ETNK1: variants seen among roughly 807,000 people sequenced by gnomAD.
ETNK1 encodes putative protein product of Nbla10396.
Under a neutral mutation model 45.1 loss-of-function variants are expected in ETNK1, and 8 were observed. The ratio of observed to expected loss-of-function variants is 0.18; its 90% CI spans 0.10 to 0.32. ETNK1 has a LOEUF of 0.32. Ranked by LOEUF, ETNK1 falls within the 10% of genes least tolerant of loss-of-function variation. The pLI is 1.00. For missense variants in ETNK1, 302 were observed against 430.6 expected (o/e 0.70, Z 2.64); for synonymous variants, 152 against 151.9 (o/e 1.00, Z -0.01).
chr12:22,643,045 T>A (rs1310894950), intron 1 of ETNK1, among the ~76,000 whole-genome samples: 3 of 152,048 alleles, frequency 2.0e-5, no homozygotes, highest in African/African-American at 7.2e-5. Context: ...TAGAAATCTC[T>A]ACTTACCTCT....
chr12:22,626,192 A>G (rs1953492605), intron 1 of ETNK1: 3 of 201,626 alleles, frequency 1.5e-5, no homozygotes, highest in South Asian at 1.3e-4. Flanking sequence ...TACTGAAATT[A>G]ATACCTGATA....
intron 2 of ETNK1, among the ~76,000 whole-genome samples, chr12:22,647,541 A>G (rs1007342197): frequency 6.6e-6 from 1 of 151,938 alleles, no homozygotes; most frequent in Admixed American, 6.6e-5. Context: ...TTGAAATGTA[A>G]CTTTTTGACT....
chr12:22,644,451 ATATAT>A (rs1204397990), intron 2 of ETNK1: 3 of 966,738 alleles, frequency 3.1e-6, no homozygotes, highest in Non-Finnish European at 4.0e-6. Context: ...ATTTAATTTA[ATATAT>A]TATGTTTTCT....
At chr12:22,675,370 A>G (rs1159630477) in intron 6 of ETNK1, among the ~76,000 whole-genome samples, 1 of 151,658 alleles carries the variant, frequency 6.6e-6, no homozygotes, top group Non-Finnish European at 1.5e-5. Context: ...CTATTTTTTT[A>G]TTAGATACAA....
chr12:22,639,447 C>T (rs528596066), intron 1 of ETNK1, among the ~76,000 whole-genome samples: 11 of 152,192 alleles, frequency 7.2e-5, no homozygotes, highest in African/African-American at 1.7e-4. Flanking sequence ...GAGGCCGAGG[C>T]GGGTGGATCA....
At chr12:22,643,034 A>G (rs1592118087) in intron 1 of ETNK1, among the ~76,000 whole-genome samples, 2 of 152,024 alleles carry the variant, frequency 1.3e-5, no homozygotes, top group Non-Finnish European at 2.9e-5. Flanking sequence ...AAAAAATACC[A>G]TAGAAATCTC....
In ETNK1 at chr12:22,686,356, T is replaced by A. The variant is rs1954260769; in HGVS notation, c.*1402T>A. The A allele has an allele frequency of 6.6e-6, 1 of 152,330 alleles. No individual in the cohort carries two copies. Among genetic ancestry groups the A allele is most frequent in the Non-Finnish European group, 1.5e-5 (1 of 67,820 alleles). 9.4% of individuals were successfully genotyped at this position (152,330 alleles called of 1,614,324 possible). The stretch of plus-strand genomic sequence containing the variant: ...TAGTCTGACAAGCTTTGCACTTCGG[T>A]CACATAAGTGCCCATGTACAAAGTT... On this transcript the variant is annotated 3_prime_UTR_variant, in exon 8 of 8. Transcript: ENST00000266517.
At chr12:22,667,441 A>T (rs1954064821) in intron 4 of ETNK1, among the ~76,000 whole-genome samples, 1 of 152,142 alleles carries the variant, frequency 6.6e-6, no homozygotes, top group South Asian at 2.1e-4. Flanking sequence ...CCCCTCCAGG[A>T]GGCTGTGTAT....
At chr12:22,626,813 G>A (rs1342488431) in intron 1 of ETNK1, among the ~76,000 whole-genome samples, 4 of 152,156 alleles carry the variant, frequency 2.6e-5, no homozygotes, top group African/African-American at 7.2e-5. Context: ...ATAGGAAATA[G>A]TGAATCCAAA....
At chr12:22,679,445 G>A (rs1188353043) in intron 6 of ETNK1, among the ~76,000 whole-genome samples, 1 of 133,026 alleles carries the variant, frequency 7.5e-6, no homozygotes, top group Non-Finnish European at 1.8e-5. Flanking sequence ...GATACCAGCC[G>A]ACATTGAGGG....
intron 1 of ETNK1, among the ~76,000 whole-genome samples, chr12:22,627,356 A>T (rs1953516339): frequency 6.6e-6 from 1 of 152,158 alleles, no homozygotes; most frequent in African/African-American, 2.4e-5. Flanking sequence ...TTGGGTTTAT[A>T]ATCCGAATTT....
At chr12:22,677,170 T>G (rs578221257) in intron 6 of ETNK1, among the ~76,000 whole-genome samples, 118 of 152,290 alleles carry the variant, frequency 7.7e-4, no homozygotes, top group South Asian at 2.5e-3. Flanking sequence ...TTAATCCATC[T>G]TGAGTTAATT....
chr12:22,685,983 A>T lies in ETNK1; in HGVS notation c.*1029A>T, dbSNP rs925895227. 1 of 152,044 alleles carries T rather than the reference A, an allele frequency of 6.6e-6. No individual in the cohort carries two copies. The highest frequency in any genetic ancestry group is 1.5e-5 in the Non-Finnish European group (1 of 67,712). The allele number at this position is 152,044 out of a possible 1,614,324, so 9.4% of individuals were successfully genotyped here. On this transcript the variant is annotated 3_prime_UTR_variant, in exon 8 of 8. Transcript: ENST00000266517. ...CATTTTAGTTTCATGTTTTAGTTTG[A>T]TTCTATGTTTTTAGACTGATAGCAA...
At chr12:22,655,069 C>T (rs1351183277) in intron 2 of ETNK1, among the ~76,000 whole-genome samples, 2 of 152,154 alleles carry the variant, frequency 1.3e-5, no homozygotes, top group African/African-American at 2.4e-5. Context: ...TGGGTTCAAG[C>T]GATTCTCCTG....
intron 2 of ETNK1, among the ~76,000 whole-genome samples, chr12:22,651,977 C>T (rs1162820176): frequency 3.3e-5 from 5 of 152,234 alleles, no homozygotes; most frequent in East Asian, 3.9e-4. Context: ...TGAGCCACCA[C>T]GCCTGGCCAA....
intron 5 of ETNK1, 96 bp from the exon 6 acceptor site, chr12:22,673,404 A>AT (rs1458007237): frequency 1.4e-5 from 13 of 938,954 alleles, no homozygotes; most frequent in Non-Finnish European, 2.0e-5. Context: ...GGAACTTTTC[A>AT]TTTTTTATGA....
intron 4 of ETNK1, among the ~76,000 whole-genome samples, chr12:22,669,172 C>T (rs1954081738): frequency 6.6e-6 from 1 of 151,890 alleles, no homozygotes; most frequent in South Asian, 2.1e-4. Context: ...AATCTTGTAT[C>T]CTGAGTTTCT....
At chr12:22,674,806 G>C (rs1222614141) in intron 6 of ETNK1, among the ~76,000 whole-genome samples, 1 of 152,164 alleles carries the variant, frequency 6.6e-6, no homozygotes, top group Non-Finnish European at 1.5e-5. Context: ...TGACATTTAA[G>C]ATTTTTGGGG....
intron 2 of ETNK1, among the ~76,000 whole-genome samples, chr12:22,649,764 A>T (rs1953851599): frequency 6.6e-6 from 1 of 152,072 alleles, no homozygotes; most frequent in African/African-American, 2.4e-5. Flanking sequence ...ATTTATTTTT[A>T]ATTGACAAAT....
Sources: gnomAD v4.1 joint callset for allele counts (sites outside exome capture counted in the v4.1 genomes callset) on GRCh38, gnomAD v4.1.1 for gene constraint, MANE v1.5 for transcripts, NCBI Gene and HGNC (gene_info 2026-07-23, HGNC 2026-07-21) for gene names.